HFM1: variants seen among roughly 807,000 people sequenced by gnomAD.
HFM1 encodes the protein probable ATP-dependent DNA helicase HFM1.
A neutral mutation model predicts 192.1 loss-of-function variants in HFM1; 169 were observed. The ratio of observed to expected loss-of-function variants is 0.88; its 90% CI spans 0.78 to 1.00. The LOEUF is 1.00. HFM1 is among the 50% of genes least tolerant of loss of function. The probability of loss-of-function intolerance (pLI) is 0.00; values close to 1 mark genes in which losing one functional copy is unlikely to be tolerated. For missense variants in HFM1, 1,661 were observed against 1,668.0 expected, an observed-to-expected ratio of 1.00 and a Z score of 0.07; for synonymous variants, 525 against 537.8, an observed-to-expected ratio of 0.98 and a Z score of 0.33.
intron 20 of HFM1, among the ~76,000 whole-genome samples, chr1:91,336,891 C>T (rs958107776): frequency 7.2e-5 from 11 of 152,160 alleles, no homozygotes; most frequent in Admixed American, 5.9e-4. Flanking sequence ...CCATGGGATA[C>T]TATGCAGCCA....
chr1:91,354,671 G>A (rs1040006847), intron 13 of HFM1, among the ~76,000 whole-genome samples: 7 of 152,040 alleles, frequency 4.6e-5, no homozygotes, highest in Admixed American at 3.9e-4. Context: ...TGCAGGCCAG[G>A]AGAGCATGAG....
In HFM1 at chr1:91,319,397, G is replaced by T; in HGVS notation, c.2583-7C>A. The T allele has an allele frequency of 6.3e-7, 1 of 1,579,244 alleles. No individual in the cohort carries two copies. The highest frequency in any genetic ancestry group is 8.7e-7 in the Non-Finnish European group (1 of 1,150,028). ...TAGTTGAGCCTGAATAAGACTGGGG[G>T]AAAGAAAAAAAATTGTTACTCCCTT... On this transcript the variant is annotated splice_region_variant and splice_polypyrimidine_tract_variant and intron_variant, in intron 23 of 38. Coordinates refer to ENST00000370425, the MANE Select transcript of HFM1 (RefSeq NM_001017975.6).
intron 4 of HFM1, among the ~76,000 whole-genome samples, chr1:91,387,030 T>C (rs889338920): frequency 2.0e-5 from 3 of 152,250 alleles, no homozygotes; most frequent in African/African-American, 7.2e-5. Context: ...TGTATTATAT[T>C]TGATCAAAAG....
chr1:91,317,060 C>T (rs552762521), intron 25 of HFM1, among the ~76,000 whole-genome samples: 2 of 152,218 alleles, frequency 1.3e-5, no homozygotes, highest in African/African-American at 2.4e-5. Flanking sequence ...ATCTAATTTC[C>T]TCTAACTCTC....
At position 91,324,755 on chromosome 1, in the gene HFM1, A is replaced by G. The variant is rs1208747548; in HGVS notation, c.2347T>C (p.Leu783=). ...VNFKPTEAGR[L]MAWYYITFET... ...AATGTAATATAATACCAAGCCATCAATCTTCCTGCTTCTGTAAGAAAAGAC... is the reference window on the plus strand; with the variant it reads ...AATGTAATATAATACCAAGCCATCAGTCTTCCTGCTTCTGTAAGAAAAGAC... Residue 783 remains leucine (L), a synonymous_variant, in exon 21 of 39, where the codon TTG becomes CTG. Coordinates refer to ENST00000370425, the MANE Select transcript of HFM1 (RefSeq NM_001017975.6). The G allele has an allele frequency of 6.4e-7, 1 of 1,558,846 alleles. No homozygotes were observed. Among genetic ancestry groups the G allele is most frequent in the Admixed American group, 1.7e-5 (1 of 59,640 alleles).
rs111533326 is a variant in HFM1, at chr1:91,313,064, T to C, written c.3391+285A>G. 2.3e-3 allele frequency among the ~76,000 whole-genome samples: 355 copies of C among 152,262 alleles called. 1 individual carries two copies. Among genetic ancestry groups the C allele is most frequent in the African/African-American group, 8.0e-3 (334 of 41,542 alleles). ...GTGCAACTGTAAGTCCAATTAAACC[T>C]CTTTTTCTTCCCAGTCTCAGGTATG... is the stretch of plus-strand genomic sequence containing the variant. On this transcript the variant is annotated intron_variant, in intron 30 of 38. Coordinates refer to ENST00000370425, the MANE Select transcript of HFM1 (RefSeq NM_001017975.6).
chr1:91,350,321 T>C lies in HFM1; in HGVS notation c.2206+417A>G, dbSNP rs150697341. Among the ~76,000 whole-genome samples the C allele has an allele frequency of 7.1e-3, 1,079 of 152,260 alleles. 14 individuals are homozygous for C. Among genetic ancestry groups the C allele is most frequent in the African/African-American group, 0.024 (1,007 of 41,570 alleles). On this transcript the variant is annotated intron_variant, in intron 18 of 38. Coordinates refer to ENST00000370425, the MANE Select transcript of HFM1 (RefSeq NM_001017975.6). ...AGCTTTAGAAGCAAGATGAAAATTG[T>C]GGCAGCAACAGTAGTACTATATACT...
At chr1:91,295,249 A>C (rs1256867298) in intron 30 of HFM1, among the ~76,000 whole-genome samples, 2 of 152,314 alleles carry the variant, frequency 1.3e-5, no homozygotes, top group East Asian at 3.9e-4. Flanking sequence ...ATTATGTAAA[A>C]TCGTTCTTTC....
intron 30 of HFM1, among the ~76,000 whole-genome samples, chr1:91,298,164 G>A (rs546818388): frequency 5.1e-4 from 77 of 152,288 alleles, no homozygotes; most frequent in African/African-American, 1.7e-3. Context: ...TAGCTGATCC[G>A]ATGAACTGGA....
chr1:91,322,789 T>C (rs12080810), intron 23 of HFM1, among the ~76,000 whole-genome samples, 161 bp downstream of exon 23: 3 of 152,218 alleles, frequency 2.0e-5, no homozygotes, highest in Non-Finnish European at 2.9e-5. Flanking sequence ...AGAAAAAGCA[T>C]TCACAAATCA....
intron 30 of HFM1, among the ~76,000 whole-genome samples, chr1:91,280,526 C>T (rs909853541): frequency 6.6e-6 from 1 of 152,184 alleles, no homozygotes; most frequent in Non-Finnish European, 1.5e-5. Flanking sequence ...TTAAAAATGG[C>T]AAGATAGGTA....
At chr1:91,327,359 T>C (rs1653070483) in intron 20 of HFM1, among the ~76,000 whole-genome samples, 1 of 151,990 alleles carries the variant, frequency 6.6e-6, no homozygotes, top group Admixed American at 6.6e-5. Context: ...CTACCAAAAA[T>C]ACAAAAAAGT....
intron 26 of HFM1, 56 bp from the exon 27 acceptor site, chr1:91,316,240 A>G (rs1260939274): frequency 3.4e-6 from 4 of 1,186,928 alleles, no homozygotes; most frequent in Non-Finnish European, 4.8e-6. Flanking sequence ...TCTTTTAGTA[A>G]AATATTTTTT....
chr1:91,294,617 T>G (rs946038538), intron 30 of HFM1, among the ~76,000 whole-genome samples: 16 of 152,228 alleles, frequency 1.1e-4, no homozygotes, highest in African/African-American at 3.9e-4. Flanking sequence ...AAAGACAGAG[T>G]TGCATAGATA....
At chr1:91,292,293 C>A (rs1317958393) in intron 30 of HFM1, among the ~76,000 whole-genome samples, 4 of 87,264 alleles carry the variant, frequency 4.6e-5, no homozygotes, top group Non-Finnish European at 9.0e-5. Context: ...GATTGTATAT[C>A]TAGAAAACCC....
intron 30 of HFM1, among the ~76,000 whole-genome samples, chr1:91,311,819 C>T (rs1483718652): frequency 6.6e-6 from 1 of 152,190 alleles, no homozygotes; most frequent in Non-Finnish European, 1.5e-5. Context: ...CCTTCTATCA[C>T]AGGCCTGGAG....
In HFM1 at chr1:91,277,376, T is replaced by C. The variant is rs952221479; in HGVS notation, c.3392-314A>G. Reference sequence around the variant, plus strand: ...CTGGGACTACAGGCACTTACCACCATGCCTGGTAATTTTTAAAACATATTT... The same window carrying C: ...CTGGGACTACAGGCACTTACCACCACGCCTGGTAATTTTTAAAACATATTT... On this transcript the variant is annotated intron_variant, in intron 30 of 38. Coordinates refer to ENST00000370425, the MANE Select transcript of HFM1 (RefSeq NM_001017975.6). Among the ~76,000 whole-genome samples the C allele has an allele frequency of 2.6e-5, 4 of 151,126 alleles. No individual in the cohort carries two copies. The East Asian group carries it at 7.8e-4, about 29-fold the overall frequency.
intron 30 of HFM1, among the ~76,000 whole-genome samples, chr1:91,311,457 C>T (rs1410663845): frequency 6.6e-6 from 1 of 151,978 alleles, no homozygotes; most frequent in Non-Finnish European, 1.5e-5. Context: ...GAAACCCTGT[C>T]TCTACTAAAA....
intron 30 of HFM1, among the ~76,000 whole-genome samples, chr1:91,299,140 T>C (rs1433069499): frequency 6.6e-6 from 1 of 152,186 alleles, no homozygotes; most frequent in Admixed American, 6.5e-5. Context: ...GTTGCAATCC[T>C]AGTCTCTGAT....
Sources: gnomAD v4.1 joint callset for allele counts (sites outside exome capture counted in the v4.1 genomes callset) on GRCh38, gnomAD v4.1.1 for gene constraint, MANE v1.5 for transcripts, NCBI Gene and HGNC (gene_info 2026-07-23, HGNC 2026-07-21) for gene names.